Variants in MAP3K2 observed in about 807,000 individuals in gnomAD.
MAP3K2 encodes MAP/ERK kinase kinase 2.
MAP3K2 carries 24 observed loss-of-function variants against 80.3 expected under a neutral mutation model. That is an observed-to-expected ratio of 0.30 (90% CI 0.22 to 0.42). The LOEUF is 0.42. MAP3K2 is among the 10% of genes least tolerant of loss of function. The pLI is 1.00. For synonymous variants in MAP3K2, 244 were observed against 253.7 expected, an observed-to-expected ratio of 0.96 and a Z score of 0.36; for missense variants, 608 against 750.1, an observed-to-expected ratio of 0.81 and a Z score of 2.21.
At chr2:127,335,486 T>C (rs896008769) in intron 5 of MAP3K2, among the ~76,000 whole-genome samples, 7 of 152,192 alleles carry the variant, frequency 4.6e-5, no homozygotes, top group African/African-American at 1.4e-4. Context: ...TAACCAACAC[T>C]AAAATAATCC....
intron 7 of MAP3K2, among the ~76,000 whole-genome samples, chr2:127,328,131 C>G (rs1047528661): frequency 2.6e-5 from 4 of 152,040 alleles, no homozygotes; most frequent in African/African-American, 4.8e-5. Context: ...AAAAATTAGC[C>G]AGGCATGGTG....
Position 127,308,739 on chromosome 2 carries a change from T to C in MAP3K2, c.1480A>G (p.Thr494Ala). Residue 494 changes from threonine (T) to alanine (A), a missense_variant, in exon 16 of 17, where the codon ACA becomes GCA. Physicochemically the swap from Thr to Ala is moderately conservative, Grantham distance 58. Transcript: ENST00000682094. ...IKGANILRDS[T>A]GNVKLGDFGA... The stretch of plus-strand genomic sequence containing the variant: ...AAATCTCCTAGTTTGACGTTGCCTG[T>C]TGAATCTCGCAGGATATTTGCGCCT... The C allele has an allele frequency of 1.2e-6, 2 of 1,613,758 alleles. No homozygotes were observed. Among genetic ancestry groups the C allele is most frequent in the Non-Finnish European group, 1.7e-6 (2 of 1,179,758 alleles).
In MAP3K2 at chr2:127,303,963, T is replaced by C. The variant is rs763391026; in HGVS notation, c.*3616A>G. ...AATACTACAGAGCAGATCTGACATA[T>C]ATATGAGCTGGAGTAGCAGAGACTT... is the stretch of plus-strand genomic sequence containing the variant. On this transcript the variant is annotated 3_prime_UTR_variant, in exon 17 of 17. Coordinates refer to ENST00000682094, the MANE Select transcript of MAP3K2 (RefSeq NM_001371910.2). 1 of 152,186 alleles carries C rather than the reference T, an allele frequency of 6.6e-6. No individual in the cohort carries two copies. Among genetic ancestry groups the C allele is most frequent in the East Asian group, 1.9e-4 (1 of 5,198 alleles). 9.4% of individuals were successfully genotyped at this position (152,186 alleles called of 1,614,324 possible). A position where few individuals can be genotyped will look rare whatever the true frequency, so the allele number is the denominator to read the frequency against.
chr2:127,382,786 C>T (rs921110783), intron 1 of MAP3K2, among the ~76,000 whole-genome samples: 2 of 152,168 alleles, frequency 1.3e-5, no homozygotes, highest in African/African-American at 4.8e-5. Flanking sequence ...TTGGCCTCCC[C>T]AAGTGCTGGG....
chr2:127,373,573 G>A (rs1336821705), intron 1 of MAP3K2, among the ~76,000 whole-genome samples: 1 of 152,194 alleles, frequency 6.6e-6, no homozygotes, highest in Non-Finnish European at 1.5e-5. Flanking sequence ...ACGGCACAAA[G>A]GGAAATTGAA....
chr2:127,317,799 CAG>C lies in MAP3K2; in HGVS notation c.1195-41_1195-40del, dbSNP rs759987889. The stretch of plus-strand genomic sequence containing the variant: ...TTCATTGTTAAGTCTTCAACAATGT[CAG>C]TAAAAGCAAAAAATTCTAACTTCAT... On this transcript the variant is annotated intron_variant, in intron 13 of 16. Transcript: ENST00000682094. 2.4e-5 allele frequency: 37 copies of C among 1,557,360 alleles called. No homozygotes were observed. In the African/African-American group the frequency reaches 3.9e-4, roughly 17 times the overall value.
chr2:127,333,721 A>G (rs1003197419), intron 5 of MAP3K2, among the ~76,000 whole-genome samples: 1 of 152,074 alleles, frequency 6.6e-6, no homozygotes, highest in African/African-American at 2.4e-5. Flanking sequence ...AGAACCACTC[A>G]CAGAAATCCT....
intron 9 of MAP3K2, 26 bp from the exon 10 acceptor site, chr2:127,324,267 GT>G: frequency 1.4e-6 from 2 of 1,399,798 alleles, no homozygotes; most frequent in Non-Finnish European, 2.0e-6. Context: ...ATCACATTAA[GT>G]TTACAGAAAG....
intron 1 of MAP3K2, among the ~76,000 whole-genome samples, chr2:127,356,318 A>G (rs1049667445): frequency 6.6e-6 from 1 of 152,180 alleles, no homozygotes; most frequent in Non-Finnish European, 1.5e-5. Flanking sequence ...TGGCAGCTAT[A>G]GCCTTACAAA....
intron 1 of MAP3K2, among the ~76,000 whole-genome samples, chr2:127,346,406 GT>G (rs202238262): frequency 0.018 from 1,689 of 95,420 alleles, 47 homozygotes; most frequent in African/African-American, 0.043. Context: ...ACAAAAACTG[GT>G]TTTAAAAAAA....
At chr2:127,348,025 T>C (rs1461730510) in intron 1 of MAP3K2, among the ~76,000 whole-genome samples, 1 of 152,074 alleles carries the variant, frequency 6.6e-6, no homozygotes, top group African/African-American at 2.4e-5. Flanking sequence ...TGCAGCACTA[T>C]TTATAAGAAC....
chr2:127,356,613 A>G (rs1416451628), intron 1 of MAP3K2, among the ~76,000 whole-genome samples: 3 of 152,322 alleles, frequency 2.0e-5, no homozygotes, highest in Non-Finnish European at 4.4e-5. Context: ...TTGGCCTCCC[A>G]AAGTGTTGAG....
chr2:127,371,931 C>G (rs1335076496), intron 1 of MAP3K2, among the ~76,000 whole-genome samples: 1 of 152,200 alleles, frequency 6.6e-6, no homozygotes, highest in Non-Finnish European at 1.5e-5. Context: ...TGACCCCAGG[C>G]CCTGCTGCAA....
chr2:127,316,359 G>A (rs969459675), intron 14 of MAP3K2, among the ~76,000 whole-genome samples: 4 of 152,162 alleles, frequency 2.6e-5, no homozygotes, highest in African/African-American at 9.7e-5. Context: ...CAACAAGAGC[G>A]AAACTCCATC....
intron 5 of MAP3K2, among the ~76,000 whole-genome samples, chr2:127,335,187 T>C (rs938637731): frequency 1.3e-5 from 2 of 152,204 alleles, no homozygotes; most frequent in Non-Finnish European, 2.9e-5. Flanking sequence ...TTATAACTTA[T>C]AGCATTATGC....
At chr2:127,352,143 C>T (rs927898032) in intron 1 of MAP3K2, among the ~76,000 whole-genome samples, 1 of 152,066 alleles carries the variant, frequency 6.6e-6, no homozygotes, top group African/African-American at 2.4e-5. Context: ...TCCTAAAGTG[C>T]TGCGATTACA....
chr2:127,341,696 C>G (rs1030314041), intron 2 of MAP3K2, among the ~76,000 whole-genome samples: 3 of 151,768 alleles, frequency 2.0e-5, no homozygotes, highest in Admixed American at 1.3e-4. Flanking sequence ...CCATGCCTGG[C>G]TAATTTTTTG....
Position 127,329,941 on chromosome 2 carries a change from T to C in MAP3K2, c.446A>G (p.Lys149Arg). The C allele has an allele frequency of 1.2e-6, 2 of 1,604,614 alleles. No homozygotes were observed. The highest frequency in any genetic ancestry group is 1.7e-6 in the Non-Finnish European group (2 of 1,172,280). Residue 149 changes from lysine (K) to arginine (R), a missense_variant, in exon 7 of 17, where the codon AAA becomes AGA. Physicochemically the swap from Lys to Arg is conservative, Grantham distance 26. Around this residue, in one of 4 missense-constraint regions of MAP3K2, gnomAD observed 467 missense variants for 521.9 expected, o/e 0.89. Transcript: ENST00000682094. The part of the protein sequence containing the change: ...LDNTVFGAER[K>R]KRLSIIGPTS... ...CTTACCTATTATAGATAGCCGTTTT[T>C]TCCTCTCTGCTCCAAATACTGTATT...
rs770275364 is a variant in MAP3K2 at position 127,374,341 on chromosome 2, C to T, written c.-66+13111G>A. On this transcript the variant is annotated intron_variant, in intron 1 of 16. Transcript: ENST00000682094. ...ACATCTTATTTTTATTACACACATT[C>T]GGGCCCACAGCTCACTGCCTGGCCC... is the stretch of plus-strand genomic sequence containing the variant. Among the ~76,000 whole-genome samples the T allele has an allele frequency of 2.3e-4, 35 of 152,274 alleles. No individual in the cohort carries two copies. In the Middle Eastern group the frequency reaches 0.017, roughly 74 times the overall value.
Sources: gnomAD v4.1 joint callset for allele counts (sites outside exome capture counted in the v4.1 genomes callset) on GRCh38, gnomAD v4.1.1 for gene constraint, gnomAD v4.1.1 regional missense constraint, MANE v1.5 for transcripts, NCBI Gene and HGNC (gene_info 2026-07-23, HGNC 2026-07-21) for gene names.